Variants in MAML3 observed in about 807,000 individuals in gnomAD.
The protein encoded by MAML3 is mastermind like transcriptional coactivator 3.
A neutral mutation model predicts 101.9 loss-of-function variants in MAML3; 27 were observed. The ratio of observed to expected loss-of-function variants is 0.27; its 90% CI spans 0.20 to 0.37. The LOEUF (loss-of-function observed/expected upper bound fraction) is 0.37. Ranked by LOEUF, MAML3 falls within the 10% of genes least tolerant of loss-of-function variation. The pLI is 1.00. For synonymous variants in MAML3, 501 were observed against 555.9 expected (o/e 0.90, Z 1.39); for missense variants, 1,316 against 1,444.9 (o/e 0.91, Z 1.45).
chr4:140,053,885 C>A (rs1431225710), intron 1 of MAML3, among the ~76,000 whole-genome samples: 1 of 152,174 alleles, frequency 6.6e-6, no homozygotes, highest in Non-Finnish European at 1.5e-5. Flanking sequence ...TCACTCTTAG[C>A]ACATGGGCCA....
intron 1 of MAML3, among the ~76,000 whole-genome samples, chr4:139,999,550 A>G (rs1167167334): frequency 1.3e-5 from 2 of 152,098 alleles, no homozygotes; most frequent in Non-Finnish European, 2.9e-5. Context: ...CCAGCCTTAT[A>G]TTTGCTTTCT....
At chr4:139,753,545 C>A (rs1213653526) in intron 2 of MAML3, among the ~76,000 whole-genome samples, 1 of 152,060 alleles carries the variant, frequency 6.6e-6, no homozygotes, top group African/African-American at 2.4e-5. Context: ...CCTTTATAAC[C>A]TTGAGTCTAA....
intron 1 of MAML3, among the ~76,000 whole-genome samples, chr4:140,000,362 A>G (rs1734900043): frequency 6.6e-6 from 1 of 152,088 alleles, no homozygotes; most frequent in South Asian, 2.1e-4. Flanking sequence ...AGCACTTCCT[A>G]TGGCATGATT....
intron 1 of MAML3, among the ~76,000 whole-genome samples, chr4:139,986,745 T>C (rs75697499): frequency 0.036 from 5,510 of 152,240 alleles, 292 homozygotes; most frequent in African/African-American, 0.12. Flanking sequence ...TGCCTTCCCC[T>C]GTTCACTAAA....
At chr4:139,807,577 A>G (rs7670072) in intron 2 of MAML3, among the ~76,000 whole-genome samples, 12,788 of 152,228 alleles carry the variant, frequency 0.084, 653 homozygotes, top group African/African-American at 0.1. Context: ...CTCAGACTCC[A>G]TAGGATACCT....
chr4:140,152,776 C>G, intron 1 of MAML3, 84 bp downstream of exon 1: 1 of 1,545,142 alleles, frequency 6.5e-7, no homozygotes, highest in African/African-American at 1.4e-5. Flanking sequence ...ACCCTTGTAC[C>G]CCCATGTAAG....
At chr4:139,977,138 G>GA (rs2110802268) in intron 1 of MAML3, among the ~76,000 whole-genome samples, 1 of 152,212 alleles carries the variant, frequency 6.6e-6, no homozygotes, top group African/African-American at 2.4e-5. Flanking sequence ...TATGAACCAG[G>GA]AAACAGGCCC....
chr4:139,851,421 C>A (rs73854391), intron 2 of MAML3, among the ~76,000 whole-genome samples: 1 of 152,190 alleles, frequency 6.6e-6, no homozygotes, highest in Non-Finnish European at 1.5e-5. Flanking sequence ...TGCCAGTGCC[C>A]AAGGCTGTAA....
At chr4:139,874,679 T>C (rs1270927033) in intron 2 of MAML3, among the ~76,000 whole-genome samples, 2 of 152,204 alleles carry the variant, frequency 1.3e-5, no homozygotes, top group Non-Finnish European at 2.9e-5. Context: ...TCACACGATA[T>C]GATTAATGTT....
chr4:139,942,373 C>G (rs958178304), intron 1 of MAML3, among the ~76,000 whole-genome samples: 1 of 152,144 alleles, frequency 6.6e-6, no homozygotes, highest in African/African-American at 2.4e-5. Context: ...AGACAGACGC[C>G]TTGCTATTTT....
intron 2 of MAML3, among the ~76,000 whole-genome samples, chr4:139,818,989 A>G (rs943792854): frequency 6.6e-6 from 1 of 152,206 alleles, no homozygotes; most frequent in African/African-American, 2.4e-5. Context: ...TGCCTATTGT[A>G]TGAACTCATT....
At chr4:140,100,233 G>A (rs1020260304) in intron 1 of MAML3, among the ~76,000 whole-genome samples, 4 of 152,022 alleles carry the variant, frequency 2.6e-5, no homozygotes, top group South Asian at 4.1e-4. Flanking sequence ...TCTCTGCAAC[G>A]TTCCCGGATT....
chr4:139,840,744 G>A (rs1331056335), intron 2 of MAML3, among the ~76,000 whole-genome samples: 2 of 152,206 alleles, frequency 1.3e-5, no homozygotes, highest in Admixed American at 6.5e-5. Flanking sequence ...TGTCAGCAAT[G>A]CTGGTGGTGC....
chr4:139,779,097 T>C (rs1730148995), intron 2 of MAML3, among the ~76,000 whole-genome samples: 1 of 152,198 alleles, frequency 6.6e-6, no homozygotes, highest in South Asian at 2.1e-4. Flanking sequence ...TCTTGGAATA[T>C]ATGACTGCAA....
chr4:140,071,789 A>AGAGAGAGAGAGAGAGAG (rs1553972703), intron 1 of MAML3, among the ~76,000 whole-genome samples: 1 of 90,360 alleles, frequency 1.1e-5, no homozygotes, highest in African/African-American at 3.6e-5. Flanking sequence ...GAGAGAGAGA[A>AGAGAGAGAGAGAGAGAG]GGCACGCATC....
intron 2 of MAML3, among the ~76,000 whole-genome samples, chr4:139,881,206 A>G (rs1721500496): frequency 1.3e-5 from 2 of 152,132 alleles, no homozygotes; most frequent in Non-Finnish European, 2.9e-5. Context: ...AGACAAGAAG[A>G]AGGCGGGTGG....
intron 1 of MAML3, among the ~76,000 whole-genome samples, chr4:140,041,231 T>C (rs1727080854): frequency 6.6e-6 from 1 of 152,146 alleles, no homozygotes; most frequent in Admixed American, 6.5e-5. Context: ...TGAATGAGAA[T>C]GGTTATATAC....
chr4:139,749,567 G>A (rs548229170), intron 2 of MAML3, among the ~76,000 whole-genome samples: 59 of 152,296 alleles, frequency 3.9e-4, no homozygotes, highest in African/African-American at 1.3e-3. Flanking sequence ...GGGGGGCGCC[G>A]ATCAGAGAAA....
chr4:140,100,891 AC>A (rs1170189143), intron 1 of MAML3, among the ~76,000 whole-genome samples: 1 of 152,146 alleles, frequency 6.6e-6, no homozygotes, highest in African/African-American at 2.4e-5. Flanking sequence ...AATATGACTA[AC>A]AGTTTTGGCC....
Sources: allele counts gnomAD v4.1 joint callset (sites outside exome capture counted in the v4.1 genomes callset), GRCh38; gene constraint gnomAD v4.1.1; transcripts MANE v1.5; gene names NCBI Gene and HGNC (gene_info 2026-07-23, HGNC 2026-07-21).